ARVCF: variants seen among roughly 807,000 people sequenced by gnomAD.
ARVCF encodes the protein splicing regulator ARVCF.
Under a neutral mutation model 90.9 loss-of-function variants are expected in ARVCF, and 66 were observed. The ratio of observed to expected loss-of-function variants is 0.73; its 90% CI spans 0.60 to 0.89. The LOEUF is 0.89. Ranked by LOEUF, ARVCF falls within the 40% of genes least tolerant of loss-of-function variation. The pLI is 0.00. For missense variants in ARVCF, 1,469 were observed against 1,382.3 expected (o/e 1.06, Z -1.00); for synonymous variants, 653 against 603.4 (o/e 1.08, Z -1.21).
chr22:20,003,263 G>C (rs1407945644), intron 2 of ARVCF, among the ~76,000 whole-genome samples: 1 of 152,126 alleles, frequency 6.6e-6, no homozygotes, highest in African/African-American at 2.4e-5. Context: ...TGGTTTCACT[G>C]GTGTATTCTA....
intron 3 of ARVCF, chr22:19,987,095 G>C: frequency 1.7e-6 from 1 of 586,794 alleles, no homozygotes; most frequent in East Asian, 3.4e-5. Context: ...GGCCGGCATC[G>C]GGCCGGGACT....
At chr22:20,015,993 T>G (rs1305468155) in intron 1 of ARVCF, among the ~76,000 whole-genome samples, 1 of 152,132 alleles carries the variant, frequency 6.6e-6, no homozygotes, top group African/African-American at 2.4e-5. Flanking sequence ...GGAGATGACA[T>G]GTCTCCGCAC....
chr22:19,967,161 C>T, downstream of ARVCF: 9 of 1,302,992 alleles, frequency 6.9e-6, no homozygotes, highest in Non-Finnish European at 9.1e-6. Context: ...TTAACTCGTG[C>T]AGGTGCAGTG....
In ARVCF at chr22:19,971,310, G is replaced by A. The variant is rs1465846119; in HGVS notation, c.2807C>T (p.Pro936Leu). Residue 936 changes from proline to leucine, a missense_variant, in exon 19 of 20, where the codon CCC becomes CTC. Coordinates refer to ENST00000263207, the MANE Select transcript of ARVCF (RefSeq NM_001670.3). ...GACCGCGGGCCTGCTGGGCCCGGGG[G>A]GAGGGGCCTTCCTGCTGGGGTCGAG... ...LKLDPSRKAP[P>L]PGPSRPAVRL... 2 of 1,555,786 alleles carry A rather than the reference G, an allele frequency of 1.3e-6. No individual in the cohort carries two copies. Among genetic ancestry groups the A allele is most frequent in the Non-Finnish European group, 1.7e-6 (2 of 1,149,236 alleles).
At chr22:19,969,695 A>T, downstream of ARVCF, 1 of 366,022 alleles carries the variant, frequency 2.7e-6, no homozygotes, top group Non-Finnish European at 3.8e-6. Flanking sequence ...CAGCCAGCCC[A>T]CTCCTATGGA....
chr22:19,980,420 A>G, intron 5 of ARVCF, 178 bp from the exon 6 acceptor site: 1 of 989,600 alleles, frequency 1.0e-6, no homozygotes, highest in East Asian at 3.1e-5. Flanking sequence ...CAGCCCAGTG[A>G]GAACCAATTC....
chr22:20,001,912 G>A (rs1278898874), intron 2 of ARVCF, among the ~76,000 whole-genome samples: 1 of 152,236 alleles, frequency 6.6e-6, no homozygotes, highest in East Asian at 1.9e-4. Context: ...GCAGTGTGAG[G>A]CTGGAGAAAG....
At chr22:19,990,281 A>G (rs1314605231) in intron 3 of ARVCF, among the ~76,000 whole-genome samples, 2 of 152,162 alleles carry the variant, frequency 1.3e-5, no homozygotes, top group South Asian at 4.1e-4. Flanking sequence ...GCAAACCCCT[A>G]AAGTGTCTCT....
chr22:20,001,716 C>T (rs927652121), intron 2 of ARVCF, among the ~76,000 whole-genome samples: 7 of 152,136 alleles, frequency 4.6e-5, no homozygotes, highest in Non-Finnish European at 1.0e-4. Flanking sequence ...GAGGCTGAGG[C>T]AGGAGGCAGA....
Position 19,990,677 on chromosome 22 carries a change from G to A in ARVCF, c.118C>T (p.Gln40Ter), listed in dbSNP as rs1240205603. 21 of 1,606,566 alleles carry A rather than the reference G, an allele frequency of 1.3e-5. No individual in the cohort carries two copies. Among genetic ancestry groups the A allele is most frequent in the Non-Finnish European group, 1.6e-5 (19 of 1,177,158 alleles). ...LEQERRHVAL[Q>*]LERAQQPGMV... ...CCAGGCTGCTGGGCACGCTCCAGCT[G>A]TAGGGCAACATGGCGCCGCTCCTGC... Residue 40 changes from glutamine (Q) to a stop codon, truncating the protein, a stop_gained, in exon 3 of 20, where the codon CAG (glutamine) becomes TAG (stop). Transcript: ENST00000263207. LOFTEE classifies it high-confidence loss of function.
intron 1 of ARVCF, among the ~76,000 whole-genome samples, chr22:20,012,900 A>G (rs1222633498): frequency 6.6e-6 from 1 of 152,200 alleles, no homozygotes; most frequent in Non-Finnish European, 1.5e-5. Flanking sequence ...ATGGGTACAC[A>G]CTGGGCCCAG....
Position 19,977,545 on chromosome 22 carries a change from G to A in ARVCF, c.1740C>T (p.Tyr580=), listed in dbSNP as rs2146281840. 2.5e-6 allele frequency: 4 copies of A among 1,587,888 alleles called. No individual in the cohort carries two copies. The highest frequency in any genetic ancestry group is 2.3e-5 in the East Asian group (1 of 44,050). The change falls in exon 9 of 20, where the codon TAC becomes TAT. Residue 580 remains tyrosine (Y), a synonymous_variant. Transcript: ENST00000263207. ...NCVCIMRNLS[Y]HVHKEVPGAD... Reference sequence around the variant, plus strand: ...CCCCGGGCACCTCCTTGTGCACGTGGTAGGACAGGTTCCGCATGATGCACA... The same window carrying A: ...CCCCGGGCACCTCCTTGTGCACGTGATAGGACAGGTTCCGCATGATGCACA...
intron 3 of ARVCF, chr22:19,987,063 T>G: frequency 1.6e-6 from 1 of 640,190 alleles, no homozygotes; most frequent in East Asian, 3.3e-5. Flanking sequence ...CAAGCCAACT[T>G]CCCTCCAACC....
At chr22:19,987,196 C>G (rs1002872263) in intron 3 of ARVCF, 1 of 398,302 alleles carries the variant, frequency 2.5e-6, no homozygotes, top group Non-Finnish European at 4.5e-6. Flanking sequence ...TCGGCGGACT[C>G]GCTCCCCGCG....
chr22:19,970,568 T>C lies in ARVCF; in HGVS notation c.*188A>G, dbSNP rs570410611. ...GCTAACTCAGGCCTAGGGAGTTAGG[T>C]AGGATGGGGGGAGTGGGGTGGGGGG... On this transcript the variant is annotated 3_prime_UTR_variant, in exon 20 of 20. Transcript: ENST00000263207. 37 of 1,180,106 alleles carry C rather than the reference T, an allele frequency of 3.1e-5. No individual in the cohort carries two copies. The highest frequency in any genetic ancestry group is 5.6e-5 in the African/African-American group (3 of 53,260). 73.1% of individuals were successfully genotyped at this position (1,180,106 alleles called of 1,614,324 possible).
intron 8 of ARVCF, 87 bp downstream of exon 8, chr22:19,977,871 T>C: frequency 1.4e-6 from 2 of 1,424,574 alleles, no homozygotes; most frequent in Admixed American, 2.1e-5. Context: ...CCCATTCCCC[T>C]GTGCTGCTCC....
At chr22:19,966,070 T>C (rs1942373763), downstream of ARVCF, among the ~76,000 whole-genome samples, 1 of 152,346 alleles carries the variant, frequency 6.6e-6, no homozygotes, top group Non-Finnish European at 1.5e-5. Flanking sequence ...CATTGCAGTT[T>C]AGTAACTAGG....
downstream of ARVCF, chr22:19,965,261 T>C (rs1601533039): frequency 6.6e-6 from 1 of 152,308 alleles, no homozygotes; most frequent in Admixed American, 6.5e-5. Context: ...CCTGTAACCC[T>C]TGCACTTTGG....
chr22:19,979,470 A>T (rs1943355942), intron 6 of ARVCF: 1 of 565,358 alleles, frequency 1.8e-6, no homozygotes, highest in Non-Finnish European at 3.1e-6. Context: ...GTCCCAGGAG[A>T]GTTTCTGTGG....
Sources: gnomAD v4.1 joint callset for allele counts (sites outside exome capture counted in the v4.1 genomes callset) on GRCh38, gnomAD v4.1.1 for gene constraint, MANE v1.5 for transcripts, NCBI Gene and HGNC (gene_info 2026-07-23, HGNC 2026-07-21) for gene names.